The following SLC39A10 variants were observed in gnomAD, a reference collection of about 807,000 sequenced individuals.
SLC39A10 encodes the protein zinc transporter ZIP10.
SLC39A10 carries 13 observed loss-of-function variants against 65.1 expected under a neutral mutation model. The observed-to-expected ratio is 0.20, with a 90% CI of 0.13 to 0.32. The LOEUF (loss-of-function observed/expected upper bound fraction) is 0.32. Ranked by LOEUF, SLC39A10 falls within the 10% of genes least tolerant of loss-of-function variation. The probability of loss-of-function intolerance (pLI) is 1.00; values close to 1 mark genes in which losing one functional copy is unlikely to be tolerated. For missense variants in SLC39A10, 831 were observed against 1,018.4 expected, an observed-to-expected ratio of 0.82 and a Z score of 2.50; for synonymous variants, 321 against 342.2, an observed-to-expected ratio of 0.94 and a Z score of 0.68.
chr2:195,737,436 T>TGC lies in SLC39A10; in HGVS notation c.*2395_*2396insGC, dbSNP rs1692683176. 6.2e-6 allele frequency: 1 copy of TGC among 160,046 alleles called. No homozygotes were observed. The highest frequency in any genetic ancestry group is 2.4e-5 in the African/African-American group (1 of 41,450). 9.9% of individuals were successfully genotyped at this position (160,046 alleles called of 1,614,324 possible). The stretch of plus-strand genomic sequence containing the variant: ...ATTGATTGATTATGCTTAGAAATAC[T>TGC]ATAGTAACTAGATGCAGTGTGAATT... On this transcript the variant is annotated 3_prime_UTR_variant, in exon 10 of 10. Transcript: ENST00000359634.
intron 9 of SLC39A10, among the ~76,000 whole-genome samples, chr2:195,730,487 G>A (rs1056939372): frequency 4.4e-4 from 67 of 152,098 alleles, no homozygotes; most frequent in Admixed American, 1.3e-4. Flanking sequence ...GTGCCATCAC[G>A]CCCAGTCTTT....
chr2:195,614,302 C>A (rs944100976), intron 2 of SLC39A10, among the ~76,000 whole-genome samples: 4 of 152,150 alleles, frequency 2.6e-5, no homozygotes, highest in South Asian at 4.1e-4. Flanking sequence ...CATGATGGAG[C>A]AAGTTTTCAT....
intron 3 of SLC39A10, among the ~76,000 whole-genome samples, chr2:195,690,126 A>C (rs1690672581): frequency 7.0e-6 from 1 of 143,198 alleles, no homozygotes; most frequent in Admixed American, 7.5e-5. Context: ...CAGTGAGCCG[A>C]TATCACACCA....
At chr2:195,627,746 T>C (rs963213296) in intron 2 of SLC39A10, among the ~76,000 whole-genome samples, 4 of 152,196 alleles carry the variant, frequency 2.6e-5, no homozygotes, top group African/African-American at 4.8e-5. Flanking sequence ...AGATGTGCAT[T>C]GTATACTGAA....
chr2:195,716,568 T>TTTTG (rs143411462), intron 6 of SLC39A10, 69 bp from the exon 7 acceptor site: 1 of 396,406 alleles, frequency 2.5e-6, no homozygotes, highest in Non-Finnish European at 4.0e-6. Flanking sequence ...TGCACTGCTA[T>TTTTG]TCTGTTTAAA....
At chr2:195,668,321 G>T (rs901292312) in intron 1 of SLC39A10, among the ~76,000 whole-genome samples, 1 of 152,140 alleles carries the variant, frequency 6.6e-6, no homozygotes, top group Admixed American at 6.5e-5. Flanking sequence ...TTTAAAAAAT[G>T]AAGTCCTTTA....
rs755879641 is a variant in SLC39A10 at position 195,717,029 on chromosome 2, C to G, written c.2065+24C>G. 8.7e-6 allele frequency: 14 copies of G among 1,600,356 alleles called. No individual in the cohort carries two copies. The East Asian group carries it at 2.0e-4, about 23-fold the overall frequency. On this transcript the variant is annotated intron_variant, in intron 7 of 9. Coordinates refer to ENST00000359634, the MANE Select transcript of SLC39A10 (RefSeq NM_020342.3). ...TGGTAAGTGGACTGGAAACCACTGT[C>G]TATGCTAATCTTATGGACTATAATA...
chr2:195,708,591 A>T, intron 4 of SLC39A10, 65 bp from the exon 5 acceptor site: 2 of 1,251,706 alleles, frequency 1.6e-6, no homozygotes, highest in South Asian at 1.8e-5. Context: ...TAATTATTAT[A>T]ATTTCAAAAT....
chr2:195,626,633 G>T (rs1040187166), intron 2 of SLC39A10, among the ~76,000 whole-genome samples: 58 of 152,200 alleles, frequency 3.8e-4, no homozygotes, highest in Non-Finnish European at 7.4e-5. Context: ...ATGTAGAAAT[G>T]AAAGTAGAAG....
At chr2:195,638,026 C>T (rs1242869538) in intron 2 of SLC39A10, among the ~76,000 whole-genome samples, 1 of 152,122 alleles carries the variant, frequency 6.6e-6, no homozygotes, top group Non-Finnish European at 1.5e-5. Flanking sequence ...AAGATATTAT[C>T]AAAGATGCTA....
At chr2:195,668,928 C>T (rs1159469155) in intron 1 of SLC39A10, among the ~76,000 whole-genome samples, 1 of 151,956 alleles carries the variant, frequency 6.6e-6, no homozygotes, top group African/African-American at 2.4e-5. Flanking sequence ...ACTAAAAATA[C>T]AAAAATTAGC....
chr2:195,682,030 A>G (rs1574265477), intron 2 of SLC39A10, among the ~76,000 whole-genome samples: 1 of 152,172 alleles, frequency 6.6e-6, no homozygotes, highest in African/African-American at 2.4e-5. Context: ...ATAATAAGAA[A>G]CTAATAGTAA....
chr2:195,691,210 C>G (rs1056015651), intron 3 of SLC39A10, among the ~76,000 whole-genome samples: 2 of 152,018 alleles, frequency 1.3e-5, no homozygotes, highest in African/African-American at 4.8e-5. Flanking sequence ...GAGTAGTATT[C>G]CATGGTATAT....
chr2:195,617,744 A>ATTTTATTTTATTTTATTTTATTTTT (rs1236954535), intron 2 of SLC39A10, among the ~76,000 whole-genome samples: 2 of 149,234 alleles, frequency 1.3e-5, no homozygotes, highest in African/African-American at 2.5e-5. Context: ...ATTTTATTTT[A>ATTTTATTTTATTTTATTTTATTTTT]CTTTATTTTA....
At chr2:195,625,309 C>G (rs1688449094) in intron 2 of SLC39A10, among the ~76,000 whole-genome samples, 1 of 150,564 alleles carries the variant, frequency 6.6e-6, no homozygotes, top group Non-Finnish European at 1.5e-5. Context: ...GAGTTTCGCT[C>G]TTGTTGCCCA....
intron 2 of SLC39A10, among the ~76,000 whole-genome samples, chr2:195,643,321 A>G (rs1688846709): frequency 6.6e-6 from 1 of 152,178 alleles, no homozygotes; most frequent in South Asian, 2.1e-4. Context: ...CTTGGCAGAG[A>G]AAAGGAGGAG....
chr2:195,629,141 C>A (rs1378587306), intron 2 of SLC39A10, among the ~76,000 whole-genome samples: 1 of 152,114 alleles, frequency 6.6e-6, no homozygotes, highest in African/African-American at 2.4e-5. Context: ...GTAATCCCAG[C>A]ACTTTGGGAG....
chr2:195,624,519 A>T (rs1309473855), intron 2 of SLC39A10, among the ~76,000 whole-genome samples: 1 of 152,126 alleles, frequency 6.6e-6, no homozygotes, highest in Non-Finnish European at 1.5e-5. Context: ...CAGGTATTAA[A>T]GATACAAGAT....
rs145417384 is a variant in SLC39A10, at chr2:195,680,275, C to T, written c.233C>T (p.Ser78Phe). The change falls in exon 2 of 10, where the codon TCC becomes TTC. Residue 78 changes from serine to phenylalanine, a missense_variant. Coordinates refer to ENST00000359634, the MANE Select transcript of SLC39A10 (RefSeq NM_020342.3). ...CGTTATGGTGAAAATGGAAGATTAT[C>T]CTTTTTTGGTTTGGAGAAACTTTTA... ...FERYGENGRL[S>F]FFGLEKLLTN... 2.5e-6 allele frequency: 4 copies of T among 1,613,952 alleles called. No individual in the cohort carries two copies. Among genetic ancestry groups the T allele is most frequent in the Middle Eastern group, 1.6e-4 (1 of 6,062 alleles).
Sources: allele counts gnomAD v4.1 joint callset (sites outside exome capture counted in the v4.1 genomes callset), GRCh38; gene constraint gnomAD v4.1.1; transcripts MANE v1.5; gene names NCBI Gene and HGNC (gene_info 2026-07-23, HGNC 2026-07-21).